The following ZFHX3 variants were observed in gnomAD, a reference collection of about 807,000 sequenced individuals.
The protein encoded by ZFHX3 is zinc finger homeobox protein 3.
In ZFHX3, 42 loss-of-function variants were observed where a neutral mutation model predicts 279.1. The ratio of observed to expected loss-of-function variants is 0.15; its 90% CI spans 0.12 to 0.19. ZFHX3 has a LOEUF of 0.19. Among genes scored for constraint, ZFHX3 ranks in the 10% least tolerant of loss-of-function variants. ZFHX3 has a pLI of 1.00. For missense variants in ZFHX3, 4,981 were observed against 4,754.0 expected, an observed-to-expected ratio of 1.05 and a Z score of -1.40; for synonymous variants, 2,293 against 1,957.8, an observed-to-expected ratio of 1.17 and a Z score of -4.52.
At chr16:72,926,332 C>A (rs1959446924) in intron 3 of ZFHX3, among the ~76,000 whole-genome samples, 1 of 152,194 alleles carries the variant, frequency 6.6e-6, no homozygotes, top group African/African-American at 2.4e-5. Context: ...ATCCTGCCCG[C>A]CCACTCGCTC....
chr16:72,846,842 G>A (rs563036160), intron 4 of ZFHX3, among the ~76,000 whole-genome samples: 130 of 152,278 alleles, frequency 8.5e-4, no homozygotes, highest in South Asian at 2.3e-3. Flanking sequence ...CTGGCCTCAC[G>A]GTGAAGAAAC....
intron 2 of ZFHX3, among the ~76,000 whole-genome samples, chr16:73,572,644 G>A (rs180752429): frequency 6.6e-6 from 1 of 152,336 alleles, no homozygotes; most frequent in East Asian, 1.9e-4. Flanking sequence ...CTGGAAGCCT[G>A]TCTGTCATGG....
intron 2 of ZFHX3, chr16:73,483,477 A>T: frequency 2.3e-6 from 1 of 433,340 alleles, no homozygotes. Context: ...CTGCCAATTC[A>T]AATGGCAGTT....
intron 4 of ZFHX3, among the ~76,000 whole-genome samples, chr16:72,885,703 G>A (rs974138184): frequency 2.0e-5 from 3 of 152,220 alleles, no homozygotes; most frequent in Non-Finnish European, 4.4e-5. Context: ...AGGACAAGGG[G>A]TTATTTCTGA....
chr16:73,555,286 C>T (rs1457458614), intron 2 of ZFHX3, among the ~76,000 whole-genome samples: 2 of 152,002 alleles, frequency 1.3e-5, no homozygotes, highest in African/African-American at 2.4e-5. Flanking sequence ...TGCCGAATAG[C>T]TGGGACTACA....
intron 5 of ZFHX3, among the ~76,000 whole-genome samples, chr16:73,245,283 T>C (rs538649667): frequency 1.9e-4 from 29 of 152,344 alleles, no homozygotes; most frequent in African/African-American, 6.5e-4. Flanking sequence ...TGTTTGTTTC[T>C]TTGTTTAATA....
intron 1 of ZFHX3, among the ~76,000 whole-genome samples, chr16:73,688,759 G>C (rs141015824): frequency 1.8e-4 from 28 of 152,284 alleles, no homozygotes; most frequent in African/African-American, 6.5e-4. Flanking sequence ...ACATGTTGTG[G>C]GAGGGACCAG....
chr16:72,911,170 AG>A (rs1159914595), intron 3 of ZFHX3, among the ~76,000 whole-genome samples: 8 of 152,262 alleles, frequency 5.3e-5, no homozygotes, highest in Non-Finnish European at 1.0e-4. Flanking sequence ...TTGGGCAGTA[AG>A]GGAGTCGAGA....
At chr16:73,468,094 A>T (rs2018603185) in intron 2 of ZFHX3, among the ~76,000 whole-genome samples, 1 of 152,252 alleles carries the variant, frequency 6.6e-6, no homozygotes, top group African/African-American at 2.4e-5. Context: ...AGACAGTCCC[A>T]AACAACTGAC....
intron 2 of ZFHX3, among the ~76,000 whole-genome samples, chr16:73,611,874 A>C (rs2143884469): frequency 6.6e-6 from 1 of 152,334 alleles, no homozygotes; most frequent in Non-Finnish European, 1.5e-5. Flanking sequence ...TAAATATTTT[A>C]AATCTTCCAG....
At chr16:73,445,302 ATGTG>A (rs71156166) in intron 3 of ZFHX3, among the ~76,000 whole-genome samples, 5 of 149,716 alleles carry the variant, frequency 3.3e-5, no homozygotes, top group African/African-American at 1.2e-4. Context: ...ATGTATATGT[ATGTG>A]TGTGTGTGTA....
intron 2 of ZFHX3, among the ~76,000 whole-genome samples, chr16:73,512,574 G>A (rs922264736): frequency 1.3e-5 from 2 of 151,872 alleles, no homozygotes; most frequent in Non-Finnish European, 2.9e-5. Flanking sequence ...CAGAACAGTT[G>A]GAAAAGGAGG....
chr16:73,736,347 T>C (rs980198438), intron 1 of ZFHX3, among the ~76,000 whole-genome samples: 1 of 152,140 alleles, frequency 6.6e-6, no homozygotes. Context: ...TCATGGAAGG[T>C]CTACTCTCTG....
chr16:73,370,222 G>A (rs1269165823), intron 3 of ZFHX3, among the ~76,000 whole-genome samples: 5 of 152,234 alleles, frequency 3.3e-5, no homozygotes, highest in Non-Finnish European at 1.5e-5. Flanking sequence ...ATGCCACCTG[G>A]CACATGCTCC....
chr16:73,242,503 A>T (rs950895701), intron 5 of ZFHX3, among the ~76,000 whole-genome samples: 3 of 152,240 alleles, frequency 2.0e-5, no homozygotes, highest in Non-Finnish European at 2.9e-5. Flanking sequence ...GACTATACAT[A>T]AAAATAGCTA....
intron 2 of ZFHX3, among the ~76,000 whole-genome samples, chr16:73,464,050 C>A (rs936201005): frequency 7.9e-5 from 12 of 152,118 alleles, no homozygotes; most frequent in African/African-American, 2.9e-4. Context: ...AGATCCATTC[C>A]ATTTTGAGTG....
intron 3 of ZFHX3, among the ~76,000 whole-genome samples, chr16:72,917,248 A>G (rs999429297): frequency 6.6e-6 from 1 of 152,198 alleles, no homozygotes; most frequent in African/African-American, 2.4e-5. Context: ...CTCAATAAAT[A>G]AATAAACAAA....
At chr16:73,775,149 C>T (rs1959218459) in intron 1 of ZFHX3, among the ~76,000 whole-genome samples, 7 of 152,150 alleles carry the variant, frequency 4.6e-5, no homozygotes, top group African/African-American at 1.2e-4. Context: ...TATGGGAAAG[C>T]GCCGTTGAGA....
rs2035393600 is a variant in ZFHX3, at chr16:72,786,758, A to C, written c.*406T>G. 6.5e-6 allele frequency: 1 copy of C among 152,940 alleles called. No homozygotes were observed. Among genetic ancestry groups the C allele is most frequent in the African/African-American group, 2.4e-5 (1 of 41,426 alleles). 9.5% of individuals were successfully genotyped at this position (152,940 alleles called of 1,614,324 possible). A position where few individuals can be genotyped will look rare whatever the true frequency, so the allele number is the denominator to read the frequency against. Reference sequence around the variant, plus strand: ...GAAATTTAAAACTGTAACAAGGTGGACTGCTTTCCCATACAGTGCATGCCG... The same window carrying C: ...GAAATTTAAAACTGTAACAAGGTGGCCTGCTTTCCCATACAGTGCATGCCG... On this transcript the variant is annotated 3_prime_UTR_variant, in exon 10 of 10. Transcript: ENST00000268489.
Sources: gnomAD v4.1 joint callset for allele counts (sites outside exome capture counted in the v4.1 genomes callset) on GRCh38, gnomAD v4.1.1 for gene constraint, MANE v1.5 for transcripts, NCBI Gene and HGNC (gene_info 2026-07-23, HGNC 2026-07-21) for gene names.